The following HPSE2 variants were observed in gnomAD, a reference collection of about 807,000 sequenced individuals.
The protein encoded by HPSE2 is inactive heparanase-2.
In HPSE2, 38 loss-of-function variants were observed where a neutral mutation model predicts 60.5. That is an observed-to-expected ratio of 0.63 (90% CI 0.48 to 0.82). The LOEUF is 0.82. Among genes scored for constraint, HPSE2 ranks in the 40% least tolerant of loss-of-function variants. HPSE2 has a pLI of 0.00. For synonymous variants in HPSE2, 295 were observed against 293.2 expected (o/e 1.01, Z -0.06); for missense variants, 713 against 740.4 (o/e 0.96, Z 0.43).
At chr10:98,775,427 T>A (rs973527766) in intron 3 of HPSE2, among the ~76,000 whole-genome samples, 6 of 152,222 alleles carry the variant, frequency 3.9e-5, no homozygotes, top group African/African-American at 7.2e-5. Context: ...TAGATCACTA[T>A]GAGTATGGGG....
intron 9 of HPSE2, among the ~76,000 whole-genome samples, chr10:98,517,780 T>C (rs1942650601): frequency 6.6e-6 from 1 of 152,144 alleles, no homozygotes; most frequent in African/African-American, 2.4e-5. Flanking sequence ...GTGAAAACTT[T>C]TATTTACCTG....
intron 9 of HPSE2, among the ~76,000 whole-genome samples, chr10:98,493,032 G>A (rs1941710799): frequency 6.6e-6 from 1 of 152,040 alleles, no homozygotes; most frequent in Admixed American, 6.5e-5. Context: ...CTGCCTCTGT[G>A]ACTATTCTAA....
the HPSE2 span, among the ~76,000 whole-genome samples, chr10:99,260,889 G>T: frequency 6.6e-6 from 1 of 152,084 alleles, no homozygotes; most frequent in African/African-American, 2.4e-5. Context: ...ATGTTCTCAA[G>T]AACTTAAAAC....
chr10:98,562,711 T>G (rs1181548962), intron 9 of HPSE2, among the ~76,000 whole-genome samples: 1 of 61,200 alleles, frequency 1.6e-5, no homozygotes, highest in African/African-American at 4.6e-5. Flanking sequence ...TGAGACTCTG[T>G]CTCAAAAAAA....
intron 2 of HPSE2, among the ~76,000 whole-genome samples, chr10:99,221,577 A>G (rs1849315531): frequency 6.6e-6 from 1 of 152,224 alleles, no homozygotes; most frequent in Non-Finnish European, 1.5e-5. Flanking sequence ...GAATTAATTA[A>G]ACACTTTGAG....
At chr10:98,733,718 T>C (rs1949283067) in intron 4 of HPSE2, among the ~76,000 whole-genome samples, 1 of 152,170 alleles carries the variant, frequency 6.6e-6, no homozygotes, top group Non-Finnish European at 1.5e-5. Context: ...AAATATAGGA[T>C]GACAATATTG....
chr10:99,090,484 T>C (rs1343815419), intron 3 of HPSE2, among the ~76,000 whole-genome samples: 1 of 152,084 alleles, frequency 6.6e-6, no homozygotes, highest in Admixed American at 6.6e-5. Context: ...ATTACCAGAA[T>C]ACTTTCCTTG....
chr10:98,801,444 T>C (rs976406552), intron 3 of HPSE2, among the ~76,000 whole-genome samples: 4 of 152,144 alleles, frequency 2.6e-5, no homozygotes, highest in East Asian at 1.9e-4. Context: ...TATATGATCT[T>C]ACATTTGGAA....
chr10:98,593,719 G>T (rs1945153984), intron 9 of HPSE2, among the ~76,000 whole-genome samples: 1 of 152,086 alleles, frequency 6.6e-6, no homozygotes, highest in Non-Finnish European at 1.5e-5. Flanking sequence ...AGTGATCTCT[G>T]GGTAAATTAC....
At chr10:98,908,661 C>T (rs12415193) in intron 3 of HPSE2, among the ~76,000 whole-genome samples, 2,593 of 104,786 alleles carry the variant, frequency 0.025, 91 homozygotes, top group East Asian at 0.21. Context: ...CCAGCCCAGG[C>T]AACAAGAGCG....
At chr10:98,471,925 C>T (rs1255958795) in intron 11 of HPSE2, among the ~76,000 whole-genome samples, 1 of 152,128 alleles carries the variant, frequency 6.6e-6, no homozygotes, top group African/African-American at 2.4e-5. Context: ...TCTCTTCAGG[C>T]AAGAGGAACT....
At chr10:98,920,634 T>A (rs1408213676) in intron 3 of HPSE2, among the ~76,000 whole-genome samples, 1 of 152,106 alleles carries the variant, frequency 6.6e-6, no homozygotes, top group Non-Finnish European at 1.5e-5. Context: ...CTTACCCACC[T>A]CCCTTGGGCC....
rs534591754 is a variant in HPSE2 at position 98,610,700 on chromosome 10, T to C, written c.1320+4204A>G. On this transcript the variant is annotated intron_variant, in intron 9 of 11. Coordinates refer to ENST00000370552, the MANE Select transcript of HPSE2 (RefSeq NM_021828.5). Reference sequence around the variant, plus strand: ...ATTTTATTCCAAATAGAGGACTAAATTGTAGTCCCACAAACACATATCAGA... The same window carrying C: ...ATTTTATTCCAAATAGAGGACTAAACTGTAGTCCCACAAACACATATCAGA... 5.3e-5 allele frequency among the ~76,000 whole-genome samples: 8 copies of C among 152,288 alleles called. No homozygotes were observed. The East Asian group carries it at 1.5e-3, about 29-fold the overall frequency.
intron 3 of HPSE2, among the ~76,000 whole-genome samples, chr10:98,764,177 A>G (rs2134396906): frequency 6.6e-6 from 1 of 152,300 alleles, no homozygotes; most frequent in Non-Finnish European, 1.5e-5. Flanking sequence ...ATGGTCAAAT[A>G]CTAATTCTAA....
At chr10:98,789,529 T>C (rs1950610813) in intron 3 of HPSE2, among the ~76,000 whole-genome samples, 1 of 152,208 alleles carries the variant, frequency 6.6e-6, no homozygotes, top group African/African-American at 2.4e-5. Flanking sequence ...GTGAAGTAAA[T>C]GCTGCCTGTC....
At chr10:98,562,480 G>C (rs1944214613) in intron 9 of HPSE2, among the ~76,000 whole-genome samples, 1 of 152,106 alleles carries the variant, frequency 6.6e-6, no homozygotes, top group Non-Finnish European at 1.5e-5. Context: ...ACTTTGGGAG[G>C]CTGAGGCGGG....
chr10:98,622,213 TA>T (rs1017785592), intron 7 of HPSE2, among the ~76,000 whole-genome samples: 2 of 151,112 alleles, frequency 1.3e-5, no homozygotes, highest in South Asian at 2.1e-4. Context: ...AGTGTTAAAT[TA>T]AAAAAAAACA....
intron 3 of HPSE2, among the ~76,000 whole-genome samples, chr10:98,799,678 CCTGACAA>C (rs1357314929): frequency 6.6e-6 from 1 of 151,720 alleles, no homozygotes; most frequent in Non-Finnish European, 1.5e-5. Flanking sequence ...TATGCTCCTG[CCTGACAA>C]GTAAGTCCAT....
chr10:99,261,798 C>T, the HPSE2 span, among the ~76,000 whole-genome samples: 1 of 152,118 alleles, frequency 6.6e-6, no homozygotes, highest in Non-Finnish European at 1.5e-5. Flanking sequence ...CACAAAAGAA[C>T]TTCAAAACGC....
Sources: allele counts gnomAD v4.1 joint callset (sites outside exome capture counted in the v4.1 genomes callset), GRCh38; gene constraint gnomAD v4.1.1; transcripts MANE v1.5; gene names NCBI Gene and HGNC (gene_info 2026-07-23, HGNC 2026-07-21).